The following MOGAT1 variants were observed in gnomAD, a reference collection of about 807,000 sequenced individuals.
The protein encoded by MOGAT1 is 2-acylglycerol O-acyltransferase 1.
In MOGAT1, 32 loss-of-function variants were observed where a neutral mutation model predicts 31.4. The observed-to-expected ratio is 1.02, with a 90% CI of 0.77 to 1.37. MOGAT1 has a LOEUF of 1.37. MOGAT1 is among the 40% of genes most tolerant of loss of function. MOGAT1 has a pLI of 0.00. For missense variants in MOGAT1, 426 were observed against 402.0 expected, an observed-to-expected ratio of 1.06 and a Z score of -0.51; for synonymous variants, 145 against 144.5, an observed-to-expected ratio of 1.00 and a Z score of -0.03.
intron 1 of MOGAT1, among the ~76,000 whole-genome samples, chr2:222,680,993 G>A (rs181817470): frequency 2.3e-4 from 35 of 152,236 alleles, no homozygotes; most frequent in African/African-American, 5.8e-4. Context: ...AAAGGGTAGC[G>A]ACAAGAGAGG....
chr2:222,702,257 A>G (rs1692940023), intron 5 of MOGAT1, among the ~76,000 whole-genome samples: 1 of 152,202 alleles, frequency 6.6e-6, no homozygotes, highest in Admixed American at 6.5e-5. Context: ...ATACAACACA[A>G]CAGCTGTTGT....
chr2:222,694,414 A>C lies in MOGAT1; in HGVS notation c.531A>C (p.Gly177=). 3 of 1,613,642 alleles carry C rather than the reference A, an allele frequency of 1.9e-6. No individual in the cohort carries two copies. The highest frequency in any genetic ancestry group is 1.7e-6 in the Non-Finnish European group (2 of 1,179,688). ...TGTCCTACATGGTAAGCAAGGAGGG[A>C]GGTGGAAACATCTCTGTCATTGTCC... is the stretch of plus-strand genomic sequence containing the variant. ...KSVSYMVSKE[G]GGNISVIVLG... Residue 177 remains glycine, a synonymous_variant, in exon 4 of 6, where the codon GGA becomes GGC. Transcript: ENST00000446656.
chr2:222,671,835 A>T lies in MOGAT1; in HGVS notation c.50A>T (p.Gln17Leu). The change falls in exon 1 of 6, where the codon CAG becomes CTG. Residue 17 changes from glutamine to leucine, a missense_variant. Transcript: ENST00000446656. ...AACATCCAGCTGGCGCGGCGGCTGCAGACGGTGGCCGTGCTGCAGTGGGTC... is the reference window on the plus strand; with the variant it reads ...AACATCCAGCTGGCGCGGCGGCTGCTGACGGTGGCCGTGCTGCAGTGGGTC... ...PLNIQLARRL[Q>L]TVAVLQWVLK... The T allele has an allele frequency of 6.4e-7, 1 of 1,553,546 alleles. No individual in the cohort carries two copies. The highest frequency in any genetic ancestry group is 8.7e-7 in the Non-Finnish European group (1 of 1,148,510).
intron 3 of MOGAT1, among the ~76,000 whole-genome samples, chr2:222,693,448 G>GTTTTT (rs11331017): frequency 1.7e-5 from 2 of 116,178 alleles, no homozygotes; most frequent in East Asian, 2.6e-4. Flanking sequence ...CAAATGTCTT[G>GTTTTT]TTTTTTTTTT....
chr2:222,703,682 TCCTTTTAAC>T (rs1459281334), intron 5 of MOGAT1, among the ~76,000 whole-genome samples: 4 of 152,194 alleles, frequency 2.6e-5, no homozygotes, highest in African/African-American at 9.6e-5. Context: ...AGGTTCCTGC[TCCTTTTAAC>T]CCTTGTCGGC....
intron 5 of MOGAT1, among the ~76,000 whole-genome samples, chr2:222,701,636 G>A (rs1559234169): frequency 7.3e-6 from 1 of 137,030 alleles, no homozygotes; most frequent in Non-Finnish European, 1.5e-5. Context: ...AGGACGTCGG[G>A]AAGGAAAGAG....
At chr2:222,707,052 C>T (rs1285813768) in intron 5 of MOGAT1, among the ~76,000 whole-genome samples, 1 of 151,962 alleles carries the variant, frequency 6.6e-6, no homozygotes, top group Non-Finnish European at 1.5e-5. Context: ...GTTGGCTGGG[C>T]GTGGTGGCAC....
At chr2:222,708,425 G>T (rs770574119) in intron 5 of MOGAT1, among the ~76,000 whole-genome samples, 1 of 152,138 alleles carries the variant, frequency 6.6e-6, no homozygotes, top group African/African-American at 2.4e-5. Flanking sequence ...AGCAGCATCC[G>T]ACCAGCAGGT....
intron 5 of MOGAT1, among the ~76,000 whole-genome samples, chr2:222,696,641 T>C (rs1174523116): frequency 2.6e-5 from 4 of 152,222 alleles, no homozygotes; most frequent in Admixed American, 2.6e-4. Flanking sequence ...TTTATTTGCA[T>C]TCCTTGTTGA....
chr2:222,678,755 A>C (rs1439119415), intron 1 of MOGAT1, among the ~76,000 whole-genome samples: 1 of 152,160 alleles, frequency 6.6e-6, no homozygotes, highest in East Asian at 1.9e-4. Context: ...AGCCTGGCCA[A>C]CATGGGGACA....
At chr2:222,708,773 A>G (rs576994962) in intron 5 of MOGAT1, among the ~76,000 whole-genome samples, 1 of 152,314 alleles carries the variant, frequency 6.6e-6, no homozygotes, top group African/African-American at 2.4e-5. Context: ...TTATTTTACA[A>G]ATTATTTTTC....
intron 1 of MOGAT1, among the ~76,000 whole-genome samples, chr2:222,675,805 T>C (rs1434094365): frequency 6.6e-6 from 1 of 152,176 alleles, no homozygotes; most frequent in Non-Finnish European, 1.5e-5. Flanking sequence ...CAGTTAAAAA[T>C]TTTGTCTCAT....
intron 3 of MOGAT1, among the ~76,000 whole-genome samples, chr2:222,691,030 G>A (rs1225832853): frequency 2.0e-5 from 3 of 152,118 alleles, no homozygotes; most frequent in Non-Finnish European, 4.4e-5. Context: ...GCAAATTCAT[G>A]GACAAGAGAT....
chr2:222,679,576 C>T (rs2106032150), intron 1 of MOGAT1, among the ~76,000 whole-genome samples: 1 of 152,266 alleles, frequency 6.6e-6, no homozygotes, highest in South Asian at 2.1e-4. Context: ...GTACAATTAC[C>T]CAAATCAGAA....
At chr2:222,678,951 A>G (rs539478886) in intron 1 of MOGAT1, among the ~76,000 whole-genome samples, 2 of 152,208 alleles carry the variant, frequency 1.3e-5, no homozygotes, top group Non-Finnish European at 1.5e-5. Context: ...GTCTCAAAAA[A>G]AAAAGTTCTT....
At chr2:222,671,971 C>A in intron 1 of MOGAT1, 92 bp downstream of exon 1, 1 of 1,021,748 alleles carries the variant, frequency 9.8e-7, no homozygotes, top group Admixed American at 2.1e-5. Flanking sequence ...AACCTTCCAA[C>A]CCTCGTTCCC....
In MOGAT1 at chr2:222,673,000, G is replaced by A. The variant is rs1352753670; in HGVS notation, c.94+1121G>A. ...GCCATCTCGGCTCACCACAACCTCC[G>A]CCTCCCGGGTTCAAGTAATTCTTCT... On this transcript the variant is annotated intron_variant, in intron 1 of 5. Transcript: ENST00000446656. 5.3e-5 allele frequency among the ~76,000 whole-genome samples: 8 copies of A among 151,050 alleles called. No homozygotes were observed. In the South Asian group the frequency reaches 1.7e-3, roughly 32 times the overall value.
intron 5 of MOGAT1, among the ~76,000 whole-genome samples, chr2:222,696,796 T>C (rs1692841558): frequency 6.6e-6 from 1 of 152,098 alleles, no homozygotes; most frequent in East Asian, 1.9e-4. Flanking sequence ...TCCTAGCACT[T>C]TGGGAGGCTG....
chr2:222,680,518 G>T (rs1411877067), intron 1 of MOGAT1, among the ~76,000 whole-genome samples: 1 of 151,832 alleles, frequency 6.6e-6, no homozygotes. Context: ...GATGAGATTT[G>T]TCTTTTAGCA....
Sources: allele counts gnomAD v4.1 joint callset (sites outside exome capture counted in the v4.1 genomes callset), GRCh38; gene constraint gnomAD v4.1.1; transcripts MANE v1.5; gene names NCBI Gene and HGNC (gene_info 2026-07-23, HGNC 2026-07-21).